The following LYST variants were observed in gnomAD, a reference collection of about 807,000 sequenced individuals.
The protein encoded by LYST is lysosomal trafficking regulator, also known as lysosomal-trafficking regulator.
LYST carries 192 observed loss-of-function variants against 413.6 expected under a neutral mutation model. The ratio of observed to expected loss-of-function variants is 0.46; its 90% CI spans 0.41 to 0.52. The LOEUF (loss-of-function observed/expected upper bound fraction) is 0.52. Among genes scored for constraint, LYST ranks in the 20% least tolerant of loss-of-function variants. LYST has a pLI of 0.00. For missense variants in LYST, 3,815 were observed against 4,499.9 expected, an observed-to-expected ratio of 0.85 and a Z score of 4.35; for synonymous variants, 1,525 against 1,567.3, an observed-to-expected ratio of 0.97 and a Z score of 0.64.
Position 235,770,140 on chromosome 1 carries a change from TAA to T in LYST, c.5922+18_5922+19del. The T allele has an allele frequency of 6.2e-7, 1 of 1,611,792 alleles. No homozygotes were observed. The highest frequency in any genetic ancestry group is 8.5e-7 in the Non-Finnish European group (1 of 1,179,116). On this transcript the variant is annotated intron_variant, in intron 20 of 52. Transcript: ENST00000389793. ...CAACTGTGGAATATATTTCCAAAAG[TAA>T]AGTTACATGAAAAGTACCTGCAAAA... is the stretch of plus-strand genomic sequence containing the variant.
chr1:235,775,143 T>A, intron 17 of LYST, 57 bp from the exon 18 acceptor site: 1 of 1,234,060 alleles, frequency 8.1e-7, no homozygotes, highest in Non-Finnish European at 1.2e-6. Flanking sequence ...AGTAAAAATT[T>A]AACATGTATA....
chr1:235,795,476 C>CT (rs1671461264), intron 10 of LYST, among the ~76,000 whole-genome samples: 1 of 152,202 alleles, frequency 6.6e-6, no homozygotes, highest in South Asian at 2.1e-4. Context: ...AAAGGGATGC[C>CT]TTTTTTCTCA....
At position 235,777,032 on chromosome 1, in the gene LYST, T is replaced by C. The variant is rs763478295; in HGVS notation, c.5460+31A>G. The C allele has an allele frequency of 5.0e-6, 8 of 1,603,122 alleles. No homozygotes were observed. The South Asian group carries it at 6.6e-5, about 13-fold the overall frequency. On this transcript the variant is annotated intron_variant, in intron 17 of 52. Coordinates refer to ENST00000389793, the MANE Select transcript of LYST (RefSeq NM_000081.4). ...ATCAATAATAAGTAAGTCATTTCTC[T>C]TTAGACAAAACTATAAGCAGTGATT...
chr1:235,853,993 C>G (rs1678868980), intron 1 of LYST, among the ~76,000 whole-genome samples: 1 of 152,132 alleles, frequency 6.6e-6, no homozygotes, highest in Non-Finnish European at 1.5e-5. Flanking sequence ...TTTAAAGGAA[C>G]TATGAAGGTT....
intron 3 of LYST, among the ~76,000 whole-genome samples, chr1:235,815,272 T>G (rs545128823): frequency 6.6e-6 from 1 of 152,236 alleles, no homozygotes; most frequent in Non-Finnish European, 1.5e-5. Flanking sequence ...CATATCCTCA[T>G]GAAGCCTACT....
Position 235,833,642 on chromosome 1 carries a change from C to T in LYST, c.-72G>A. 1 of 933,250 alleles carries T rather than the reference C, an allele frequency of 1.1e-6. No individual in the cohort carries two copies. Among genetic ancestry groups the T allele is most frequent in the Non-Finnish European group, 1.3e-6 (1 of 782,492 alleles). 57.8% of individuals were successfully genotyped at this position (933,250 alleles called of 1,614,324 possible). On this transcript the variant is annotated 5_prime_UTR_variant, in exon 2 of 53. Transcript: ENST00000389793. The stretch of plus-strand genomic sequence containing the variant: ...ATTTGGACTCATAAACTAGATGAAA[C>T]AAATATTCTTAGAACAAAGCTTCAC...
intron 1 of LYST, among the ~76,000 whole-genome samples, chr1:235,859,627 T>C (rs1222334092): frequency 6.6e-6 from 1 of 152,124 alleles, no homozygotes; most frequent in Admixed American, 6.6e-5. Context: ...TCCACCCGTA[T>C]TTTTTAAATT....
At chr1:235,828,560 A>T in intron 3 of LYST, 1 of 163,586 alleles carries the variant, frequency 6.1e-6, no homozygotes, top group Non-Finnish European at 1.3e-5. Flanking sequence ...TGAACATTAT[A>T]TAATGCTCCA....
intron 20 of LYST, among the ~76,000 whole-genome samples, chr1:235,767,923 C>T (rs977201511): frequency 2.6e-5 from 4 of 152,224 alleles, no homozygotes; most frequent in Middle Eastern, 3.4e-3. Context: ...GTTCTTCCCC[C>T]TCTGCCGACC....
At chr1:235,879,740 C>CTTT (rs66680369) in intron 1 of LYST, among the ~76,000 whole-genome samples, 2 of 146,282 alleles carry the variant, frequency 1.4e-5, no homozygotes. Context: ...TTCTTTCTTT[C>CTTT]TTTTTTTTTT....
rs776274754 is a variant in LYST, at chr1:235,709,168, G to A, written c.10066C>T (p.Gln3356Ter). The A allele has an allele frequency of 6.2e-7, 1 of 1,614,124 alleles. No individual in the cohort carries two copies. The highest frequency in any genetic ancestry group is 2.2e-5 in the East Asian group (1 of 44,878). The change falls in exon 44 of 53, where the codon CAG becomes TAG. Residue 3356 changes from glutamine (Q) to a stop codon, truncating the protein, a stop_gained. Transcript: ENST00000389793. LOFTEE classifies it high-confidence loss of function. ...TACCCAAACACCAAGTCAATCCACT[G>A]ACAGATGTTCTGCGACACGTAGTCA... is the stretch of plus-strand genomic sequence containing the variant. ...ESDYVSQNIC[Q>*]WIDLVFGYKQ...
chr1:235,882,091 C>T (rs1681404038), intron 1 of LYST, among the ~76,000 whole-genome samples: 2 of 151,794 alleles, frequency 1.3e-5, no homozygotes, highest in African/African-American at 2.4e-5. Flanking sequence ...CACACACACA[C>T]ACACACACAC....
chr1:235,738,146 T>C, intron 31 of LYST: 1 of 1,609,192 alleles, frequency 6.2e-7, no homozygotes, highest in Middle Eastern at 2.3e-4. Flanking sequence ...GCGAACTTGC[T>C]CTTGTTGATG....
chr1:235,734,963 AAAG>A (rs1664699017), intron 31 of LYST: 1 of 190,996 alleles, frequency 5.2e-6, no homozygotes, highest in Non-Finnish European at 1.1e-5. Context: ...TAGTTCAGAA[AAAG>A]AAGAAATGAT....
At chr1:235,711,095 T>G (rs1558140487) in intron 43 of LYST, among the ~76,000 whole-genome samples, 1 of 152,220 alleles carries the variant, frequency 6.6e-6, no homozygotes, top group South Asian at 2.1e-4. Flanking sequence ...AAAAAATAAT[T>G]TTATTATCTG....
At chr1:235,680,900 A>G (rs541012698) in intron 48 of LYST, among the ~76,000 whole-genome samples, 1 of 152,250 alleles carries the variant, frequency 6.6e-6, no homozygotes, top group Non-Finnish European at 1.5e-5. Flanking sequence ...CGCCTGGCCT[A>G]CAAGTGATTT....
At chr1:235,805,614 A>G in intron 6 of LYST, 129 bp downstream of exon 6, 1 of 311,602 alleles carries the variant, frequency 3.2e-6, no homozygotes, top group Non-Finnish European at 5.4e-6. Flanking sequence ...ATTATATGTT[A>G]TATATAACAC....
At chr1:235,723,861 G>A (rs970500719) in intron 39 of LYST, among the ~76,000 whole-genome samples, 167 bp downstream of exon 39, 2 of 152,172 alleles carry the variant, frequency 1.3e-5, no homozygotes, top group African/African-American at 4.8e-5. Flanking sequence ...CCTCACTGTG[G>A]AGGTCAAAGA....
rs537434357 is a variant in LYST at position 235,775,287 on chromosome 1, T to A, written c.5461-201A>T. ...AAACTCCATGTTCTATAGTCTCTTA[T>A]ATATACTATAGTATACAATGACACA... is the stretch of plus-strand genomic sequence containing the variant. On this transcript the variant is annotated intron_variant, in intron 17 of 52. Transcript: ENST00000389793. Among the ~76,000 whole-genome samples, 8 of 152,286 alleles carry A rather than the reference T, an allele frequency of 5.3e-5. No homozygotes were observed. In the East Asian group the frequency reaches 9.6e-4, roughly 18 times the overall value.
Sources: gnomAD v4.1 joint callset for allele counts (sites outside exome capture counted in the v4.1 genomes callset) on GRCh38, gnomAD v4.1.1 for gene constraint, MANE v1.5 for transcripts, NCBI Gene and HGNC (gene_info 2026-07-23, HGNC 2026-07-21) for gene names.